PODXL2: variants seen among roughly 807,000 people sequenced by gnomAD.
The protein encoded by PODXL2 is podocalyxin-like protein 2.
A neutral mutation model predicts 53.4 loss-of-function variants in PODXL2; 17 were observed. That is an observed-to-expected ratio of 0.32 (90% CI 0.22 to 0.48). The LOEUF is 0.48. PODXL2 is among the 20% of genes least tolerant of loss of function. The probability of loss-of-function intolerance (pLI) is 0.99; values close to 1 mark genes in which losing one functional copy is unlikely to be tolerated. For synonymous variants in PODXL2, 311 were observed against 306.7 expected (o/e 1.01, Z -0.15); for missense variants, 673 against 760.0 (o/e 0.89, Z 1.35).
chr3:127,642,178 T>A (rs1243122586), intron 2 of PODXL2, among the ~76,000 whole-genome samples: 2 of 151,280 alleles, frequency 1.3e-5, no homozygotes, highest in African/African-American at 2.4e-5. Context: ...TGAACCTAGC[T>A]ACTCAGGAGG....
At chr3:127,662,468 A>T (rs1053934786) in intron 4 of PODXL2, among the ~76,000 whole-genome samples, 157 bp downstream of exon 4, 1 of 152,168 alleles carries the variant, frequency 6.6e-6, no homozygotes, top group African/African-American at 2.4e-5. Context: ...AACATTACAC[A>T]CAGAGAGCTT....
chr3:127,666,703 C>A (rs2074796686), intron 4 of PODXL2, among the ~76,000 whole-genome samples: 1 of 152,236 alleles, frequency 6.6e-6, no homozygotes, highest in Admixed American at 6.5e-5. Flanking sequence ...GTGCACCTGG[C>A]CAGAACCCAG....
intron 2 of PODXL2, 106 bp downstream of exon 2, chr3:127,639,629 A>G (rs896959481): frequency 4.7e-6 from 5 of 1,063,594 alleles, no homozygotes; most frequent in Admixed American, 4.7e-5. Context: ...CTCTCCCTAC[A>G]GTTTTTACCA....
intron 2 of PODXL2, among the ~76,000 whole-genome samples, chr3:127,640,984 C>G (rs925111113): frequency 2.6e-5 from 4 of 152,204 alleles, no homozygotes; most frequent in African/African-American, 9.7e-5. Context: ...GTGACCTTGG[C>G]TCACTGTAAC....
chr3:127,635,624 A>G (rs891950586), intron 1 of PODXL2, among the ~76,000 whole-genome samples: 16 of 152,256 alleles, frequency 1.1e-4, no homozygotes, highest in South Asian at 4.1e-4. Flanking sequence ...ATCCCTGGAC[A>G]GAAGCATCAC....
chr3:127,666,823 G>A (rs1450021132), intron 4 of PODXL2, among the ~76,000 whole-genome samples: 1 of 152,184 alleles, frequency 6.6e-6, no homozygotes. Flanking sequence ...CTCCCACACT[G>A]ACATTGTGGG....
intron 2 of PODXL2, among the ~76,000 whole-genome samples, chr3:127,647,303 A>G (rs924261218): frequency 5.9e-5 from 9 of 152,308 alleles, no homozygotes; most frequent in African/African-American, 2.2e-4. Context: ...CAGCCTGACC[A>G]GTTAATTCAT....
intron 2 of PODXL2, among the ~76,000 whole-genome samples, chr3:127,656,734 CAAAAAAAAAAAAA>C (rs71150487): frequency 0.01 from 291 of 28,120 alleles, 4 homozygotes; most frequent in African/African-American, 0.028. Flanking sequence ...GACTCCATCT[CAAAAAAAAAAAAA>C]AAAAAAAAAA....
intron 2 of PODXL2, among the ~76,000 whole-genome samples, chr3:127,643,945 A>G (rs529814937): frequency 6.6e-6 from 1 of 151,724 alleles, no homozygotes; most frequent in East Asian, 2.0e-4. Context: ...GGCCCCTTCT[A>G]TTCTTTAGCT....
chr3:127,634,356 C>T (rs1363197796), intron 1 of PODXL2, among the ~76,000 whole-genome samples: 7 of 151,098 alleles, frequency 4.6e-5, no homozygotes, highest in African/African-American at 1.7e-4. Context: ...ACTCGGGAGG[C>T]GAAGGTTGCA....
At chr3:127,671,055 A>G (rs59698686) in intron 6 of PODXL2, among the ~76,000 whole-genome samples, 175 of 152,226 alleles carry the variant, frequency 1.1e-3, no homozygotes, top group African/African-American at 4.1e-3. Flanking sequence ...GGGGGCTCAC[A>G]TCTCCTGTCT....
chr3:127,672,593 C>T lies in PODXL2; in HGVS notation c.*113C>T, dbSNP rs1429824077. The T allele has an allele frequency of 3.0e-6, 2 of 664,462 alleles. No homozygotes were observed. The highest frequency in any genetic ancestry group is 3.4e-5 in the East Asian group (1 of 29,036). The allele number at this position is 664,462 out of a possible 1,614,324, so 41.2% of individuals were successfully genotyped here. A position where few individuals can be genotyped will look rare whatever the true frequency, so the allele number is the denominator to read the frequency against. ...CGCCTACCCGGGCCGCCCCCGCGGC[C>T]TGGCCCTCGGCGCGGGCTCCTTCCC... On this transcript the variant is annotated 3_prime_UTR_variant, in exon 8 of 8. Coordinates refer to ENST00000342480, the MANE Select transcript of PODXL2 (RefSeq NM_015720.4).
intron 2 of PODXL2, among the ~76,000 whole-genome samples, chr3:127,648,643 G>A (rs2074670178): frequency 6.7e-6 from 1 of 150,202 alleles, no homozygotes; most frequent in Non-Finnish European, 1.5e-5. Flanking sequence ...TTTTGAGACA[G>A]TCTCACTCTT....
intron 2 of PODXL2, among the ~76,000 whole-genome samples, chr3:127,653,695 T>C (rs892364370): frequency 6.6e-6 from 1 of 151,156 alleles, no homozygotes; most frequent in Admixed American, 6.6e-5. Context: ...ATGTGCACGC[T>C]CTCTCTGTTA....
At chr3:127,655,834 T>C (rs576584445) in intron 2 of PODXL2, among the ~76,000 whole-genome samples, 2 of 152,180 alleles carry the variant, frequency 1.3e-5, no homozygotes, top group African/African-American at 4.8e-5. Context: ...ATAGAGAAAA[T>C]AGATGCAGCC....
chr3:127,641,333 G>A (rs772705405), intron 2 of PODXL2, among the ~76,000 whole-genome samples: 12 of 151,094 alleles, frequency 7.9e-5, no homozygotes, highest in African/African-American at 1.5e-4. Flanking sequence ...CCTCAGCCTC[G>A]TAGGTAGCAG....
Position 127,639,531 on chromosome 3 carries a change from T to C in PODXL2, c.349+8T>C. ...ACCTGGGACCCACTGCAGGTAGCTC[T>C]TCTTACCTACAGAGCATGTGTTGAG... On this transcript the variant is annotated splice_region_variant and intron_variant, in intron 2 of 7. Transcript: ENST00000342480. The C allele has an allele frequency of 6.2e-7, 1 of 1,602,698 alleles. No individual in the cohort carries two copies.
At chr3:127,633,014 A>C (rs959206192) in intron 1 of PODXL2, among the ~76,000 whole-genome samples, 3 of 152,260 alleles carry the variant, frequency 2.0e-5, no homozygotes, top group Non-Finnish European at 4.4e-5. Context: ...AAATAAGTAC[A>C]GTTTATAGAT....
rs1475450104 is a variant in PODXL2, at chr3:127,668,614, G to A, written c.1363+17G>A. 3 of 1,506,124 alleles carry A rather than the reference G, an allele frequency of 2.0e-6. No individual in the cohort carries two copies. Among genetic ancestry groups the A allele is most frequent in the Non-Finnish European group, 2.7e-6 (3 of 1,124,876 alleles). The allele number at this position is 1,506,124 out of a possible 1,614,324, so 93.3% of individuals were successfully genotyped here. A position where few individuals can be genotyped will look rare whatever the true frequency, so the allele number is the denominator to read the frequency against. ...GCGAGCAGGGTGAGCGAGGGCAGGT[G>A]ATGGGAGGGCCCAGGAGGGCAGTGG... On this transcript the variant is annotated intron_variant, in intron 5 of 7. Transcript: ENST00000342480.
Sources: gnomAD v4.1 joint callset for allele counts (sites outside exome capture counted in the v4.1 genomes callset) on GRCh38, gnomAD v4.1.1 for gene constraint, MANE v1.5 for transcripts, NCBI Gene and HGNC (gene_info 2026-07-23, HGNC 2026-07-21) for gene names.